The following TLK1 variants were observed in gnomAD, a reference collection of about 807,000 sequenced individuals.
The protein encoded by TLK1 is tousled like kinase 1, also known as serine/threonine-protein kinase tousled-like 1.
In TLK1, 24 loss-of-function variants were observed where a neutral mutation model predicts 105.3. That is an observed-to-expected ratio of 0.23 (90% CI 0.17 to 0.32). The LOEUF (loss-of-function observed/expected upper bound fraction) is 0.32, where lower values mean the gene tolerates loss of function less well. TLK1 is among the 10% of genes least tolerant of loss of function. The probability of loss-of-function intolerance (pLI) is 1.00; values close to 1 mark genes in which losing one functional copy is unlikely to be tolerated. For synonymous variants in TLK1, 321 were observed against 310.4 expected, an observed-to-expected ratio of 1.03 and a Z score of -0.36; for missense variants, 558 against 910.5, an observed-to-expected ratio of 0.61 and a Z score of 4.98.
chr2:171,125,313 T>C (rs1189091170), intron 1 of TLK1, among the ~76,000 whole-genome samples: 1 of 152,226 alleles, frequency 6.6e-6, no homozygotes, highest in Non-Finnish European at 1.5e-5. Context: ...TCATGTATAC[T>C]GTATTCCTCT....
intron 1 of TLK1, among the ~76,000 whole-genome samples, chr2:171,172,048 A>G (rs974691679): frequency 6.6e-6 from 1 of 152,262 alleles, no homozygotes. Context: ...TAAATAAATT[A>G]TAGAATATTC....
chr2:171,061,625 A>C (rs1687754624), intron 3 of TLK1, among the ~76,000 whole-genome samples: 1 of 152,216 alleles, frequency 6.6e-6, no homozygotes, highest in African/African-American at 2.4e-5. Flanking sequence ...CCTACTAAAA[A>C]GGACCATCCA....
intron 1 of TLK1, among the ~76,000 whole-genome samples, chr2:171,218,885 C>G (rs116064482): frequency 6.6e-6 from 1 of 152,114 alleles, no homozygotes; most frequent in African/African-American, 2.4e-5. Context: ...GGAGGGAACA[C>G]AAACATTCAA....
chr2:171,160,864 T>G lies in TLK1; in HGVS notation c.-436A>C. The G allele has an allele frequency of 1.0e-5, 3 of 299,696 alleles. No homozygotes were observed. The highest frequency in any genetic ancestry group is 6.2e-5 in the East Asian group (1 of 16,008). 18.6% of individuals were successfully genotyped at this position (299,696 alleles called of 1,614,324 possible). On this transcript the variant is annotated 5_prime_UTR_variant, in exon 1 of 21. Transcript: ENST00000431350. This position sits in a 1 kb window ranked among gnomAD's most constrained non-coding sequence, Gnocchi z 4.4. ...GGAGGCGGCGGCGGCGGGCTGTGGG[T>G]GGCGGCTGAGGCGGTGGGGTAACCT...
At chr2:170,998,095 TAC>T (rs1559331650) in intron 18 of TLK1, among the ~76,000 whole-genome samples, 34 of 150,740 alleles carry the variant, frequency 2.3e-4, no homozygotes, top group Admixed American at 1.6e-3. Context: ...TCTATCTACC[TAC>T]CTACCTACCT....
intron 10 of TLK1, among the ~76,000 whole-genome samples, chr2:171,046,799 T>C (rs1425221557): frequency 6.6e-6 from 1 of 152,158 alleles, no homozygotes; most frequent in Non-Finnish European, 1.5e-5. Flanking sequence ...GTTTCTTGAA[T>C]GAAATGAGAT....
At chr2:171,015,415 A>AACACACACACACACAC (rs56238853) in intron 12 of TLK1, among the ~76,000 whole-genome samples, 1 of 132,696 alleles carries the variant, frequency 7.5e-6, no homozygotes, top group African/African-American at 2.9e-5. Context: ...TTGGAGTACA[A>AACACACACACACACAC]ACACACACAC....
intron 2 of TLK1, among the ~76,000 whole-genome samples, chr2:171,108,329 A>C (rs1690020989): frequency 6.6e-6 from 1 of 152,148 alleles, no homozygotes; most frequent in Non-Finnish European, 1.5e-5. Flanking sequence ...TTAGTGTTAT[A>C]ATGACACTCT....
chr2:171,028,278 A>C, intron 12 of TLK1, 61 bp downstream of exon 12: 1 of 1,238,848 alleles, frequency 8.1e-7, no homozygotes, highest in Non-Finnish European at 1.2e-6. Context: ...GACTTATAAC[A>C]CAACTTCCCA....
intron 1 of TLK1, among the ~76,000 whole-genome samples, chr2:171,136,903 A>G (rs1461323463): frequency 6.6e-6 from 1 of 152,252 alleles, no homozygotes; most frequent in African/African-American, 2.4e-5. Flanking sequence ...AATCAATATG[A>G]AATTCAAATA....
rs541020559 is a variant in TLK1 at position 171,023,162 on chromosome 2, C to T, written c.1236+5177G>A. On this transcript the variant is annotated intron_variant, in intron 12 of 20. Transcript: ENST00000431350. ...ACGGAGGCACAAGGAGAGATGAATGCCACATCGCAAGGAGCAAAGGAGAGA... is the reference window on the plus strand; with the variant it reads ...ACGGAGGCACAAGGAGAGATGAATGTCACATCGCAAGGAGCAAAGGAGAGA... The T allele has an allele frequency of 2.4e-4, 115 of 470,902 alleles. 3 individuals are homozygous for T. Among genetic ancestry groups the T allele is most frequent in the South Asian group, 1.7e-3 (111 of 64,556 alleles). 29.2% of individuals were successfully genotyped at this position (470,902 alleles called of 1,614,324 possible). A position where few individuals can be genotyped will look rare whatever the true frequency, so the allele number is the denominator to read the frequency against.
At chr2:171,150,162 C>T (rs1691975211) in intron 1 of TLK1, among the ~76,000 whole-genome samples, 1 of 152,082 alleles carries the variant, frequency 6.6e-6, no homozygotes, top group African/African-American at 2.4e-5. Flanking sequence ...TACATGCTCA[C>T]CTCATGCCTG....
chr2:171,064,302 A>G (rs1268413437), intron 3 of TLK1, among the ~76,000 whole-genome samples: 1 of 152,152 alleles, frequency 6.6e-6, no homozygotes, highest in Non-Finnish European at 1.5e-5. Context: ...ATCCTATGTT[A>G]CCTCTACCCT....
intron 2 of TLK1, among the ~76,000 whole-genome samples, chr2:171,106,592 A>G (rs552149104): frequency 6.6e-6 from 1 of 152,334 alleles, no homozygotes; most frequent in East Asian, 1.9e-4. Flanking sequence ...CTAGAAATAA[A>G]TCAATACTCC....
intron 1 of TLK1, among the ~76,000 whole-genome samples, chr2:171,159,028 C>T (rs946734923): frequency 1.3e-5 from 2 of 152,168 alleles, no homozygotes; most frequent in African/African-American, 4.8e-5. Context: ...ACAAAGAATG[C>T]TATGCCTGAA....
intron 18 of TLK1, among the ~76,000 whole-genome samples, chr2:171,004,152 G>A (rs1468231456): frequency 9.9e-5 from 15 of 151,900 alleles, no homozygotes; most frequent in Non-Finnish European, 1.6e-4. Flanking sequence ...TAGCAGAGAC[G>A]AGGTTTCACC....
chr2:171,105,259 T>A (rs1190393797), intron 2 of TLK1, among the ~76,000 whole-genome samples: 2 of 152,206 alleles, frequency 1.3e-5, no homozygotes, highest in East Asian at 3.8e-4. Flanking sequence ...GAGAAGGGAT[T>A]AATATCCAGA....
At chr2:171,189,687 A>T (rs932092116) in intron 1 of TLK1, among the ~76,000 whole-genome samples, 7 of 152,166 alleles carry the variant, frequency 4.6e-5, no homozygotes, top group African/African-American at 1.4e-4. Flanking sequence ...TATGACAGAT[A>T]TTTTTCATGT....
chr2:171,209,613 A>G lies in TLK1; in HGVS notation c.-6+21532T>C, dbSNP rs191361833. 6.8e-4 allele frequency among the ~76,000 whole-genome samples: 104 copies of G among 152,280 alleles called. 1 individual carries two copies. The Middle Eastern group carries it at 0.01, about 15-fold the overall frequency. ...GTTGAAGTCCTAATTCCCATATCTCATAATGTGACTGTATTTGAAGATATG... is the reference window on the plus strand; with the variant it reads ...GTTGAAGTCCTAATTCCCATATCTCGTAATGTGACTGTATTTGAAGATATG... On this transcript the variant is annotated intron_variant, in intron 1 of 20. Transcript: ENST00000521943.
Sources: allele counts gnomAD v4.1 joint callset (sites outside exome capture counted in the v4.1 genomes callset), GRCh38; gene constraint gnomAD v4.1.1; non-coding constraint Gnocchi (gnomAD v3.1); transcripts MANE v1.5; gene names NCBI Gene and HGNC (gene_info 2026-07-23, HGNC 2026-07-21).